The following ABCB10 variants were observed in gnomAD, a reference collection of about 807,000 sequenced individuals.
ABCB10 encodes the protein ATP binding cassette subfamily B member 10, also known as ATP-binding cassette sub-family B member 10, mitochondrial.
In ABCB10, 54 loss-of-function variants were observed where a neutral mutation model predicts 65.4. The observed-to-expected ratio is 0.83, with a 90% CI of 0.66 to 1.04. The LOEUF (loss-of-function observed/expected upper bound fraction) is 1.04. Ranked by LOEUF, ABCB10 falls within the 50% of genes least tolerant of loss-of-function variation. The pLI is 0.00. For missense variants in ABCB10, 846 were observed against 976.6 expected (o/e 0.87, Z 1.78); for synonymous variants, 418 against 406.5 (o/e 1.03, Z -0.34).
intron 3 of ABCB10, among the ~76,000 whole-genome samples, chr1:229,544,877 A>G (rs1662933154): frequency 6.6e-6 from 1 of 152,214 alleles, no homozygotes; most frequent in Admixed American, 6.5e-5. Flanking sequence ...AGCCAAGAGA[A>G]AAGGCCTCAG....
Position 229,558,142 on chromosome 1 carries a change from G to A in ABCB10, c.511C>T (p.Leu171=). ...LGLAYPERRR[L]AAAVGFLTMS... The stretch of plus-strand genomic sequence containing the variant: ...TGGCCGGGGAGGACCCTACCTGCCA[G>A]CCTCCGGCGCTCAGGGTACGCCAGC... Residue 171 remains leucine (L), a synonymous_variant, in exon 1 of 13, where the codon CTG becomes TTG. Transcript: ENST00000344517. 7.1e-7 allele frequency: 1 copy of A among 1,409,934 alleles called. No individual in the cohort carries two copies. The highest frequency in any genetic ancestry group is 2.6e-4 in the Middle Eastern group (1 of 3,866). 87.3% of individuals were successfully genotyped at this position (1,409,934 alleles called of 1,614,324 possible).
In ABCB10 at chr1:229,522,239, GCT is replaced by G. The variant is rs530457057; in HGVS notation, c.1907-606_1907-605del. ...TTTAAATAATTTCAAACAAGGTCTTGCTCTGTCACCCAGCTGGAGTGCAATGG... is the reference window on the plus strand; with the variant it reads ...TTTAAATAATTTCAAACAAGGTCTTGCTGTCACCCAGCTGGAGTGCAATGG... On this transcript the variant is annotated intron_variant, in intron 10 of 12. Coordinates refer to ENST00000344517, the MANE Select transcript of ABCB10 (RefSeq NM_012089.3). Among the ~76,000 whole-genome samples, 31 of 148,406 alleles carry G rather than the reference GCT, an allele frequency of 2.1e-4. No homozygotes were observed. The South Asian group carries it at 6.3e-3, about 30-fold the overall frequency.
chr1:229,531,897 C>T, intron 6 of ABCB10, 166 bp from the exon 7 acceptor site: 1 of 431,556 alleles, frequency 2.3e-6, no homozygotes, highest in Middle Eastern at 3.8e-4. Flanking sequence ...CTCAGAATTG[C>T]TTGTCTCATA....
rs1323961800 is a variant in ABCB10 at position 229,549,369 on chromosome 1, T to G, written c.583A>C (p.Ile195Leu). ...SMSAPFFLGKIIDVIYTNPTV... is the reference protein window; with the variant it reads ...SMSAPFFLGKLIDVIYTNPTV... ...GGGTTGGTATAGATGACATCAATGATCTTCCCCAGGAAGAAAGGGGCAGAC... is the reference window on the plus strand; with the variant it reads ...GGGTTGGTATAGATGACATCAATGAGCTTCCCCAGGAAGAAAGGGGCAGAC... Residue 195 changes from isoleucine to leucine, a missense_variant, in exon 2 of 13, where the codon ATC (isoleucine) becomes CTC (leucine). Coordinates refer to ENST00000344517, the MANE Select transcript of ABCB10 (RefSeq NM_012089.3). 6.2e-7 allele frequency: 1 copy of G among 1,614,124 alleles called. No homozygotes were observed. Among genetic ancestry groups the G allele is most frequent in the Admixed American group, 1.7e-5 (1 of 60,002 alleles).
intron 8 of ABCB10, among the ~76,000 whole-genome samples, chr1:229,529,225 G>C (rs1178140802): frequency 9.7e-5 from 13 of 133,934 alleles, no homozygotes; most frequent in Non-Finnish European, 1.9e-4. Context: ...CCCGGGAGGC[G>C]GAGCTTGCAG....
At position 229,528,754 on chromosome 1, in the gene ABCB10, G is replaced by A. The variant is rs141671142; in HGVS notation, c.1645+1445C>T. On this transcript the variant is annotated intron_variant, in intron 8 of 12. Coordinates refer to ENST00000344517, the MANE Select transcript of ABCB10 (RefSeq NM_012089.3). ...TGTTACCCGGGCTGGTCTCCAACTTGTGGCCTCAAGTGATCCTCCCACCTC... is the reference window on the plus strand; with the variant it reads ...TGTTACCCGGGCTGGTCTCCAACTTATGGCCTCAAGTGATCCTCCCACCTC... 1.8e-3 allele frequency among the ~76,000 whole-genome samples: 271 copies of A among 150,992 alleles called. 1 individual carries two copies. Among genetic ancestry groups the A allele is most frequent in the African/African-American group, 5.9e-3 (244 of 41,130 alleles).
At chr1:229,519,963 C>CA (rs1028113048) in intron 11 of ABCB10, among the ~76,000 whole-genome samples, 5 of 150,454 alleles carry the variant, frequency 3.3e-5, no homozygotes, top group Admixed American at 6.6e-5. Context: ...CCATCTCTAC[C>CA]AAAAAAATTT....
At chr1:229,550,728 T>G (rs12069430) in intron 1 of ABCB10, among the ~76,000 whole-genome samples, 3,123 of 149,376 alleles carry the variant, frequency 0.021, 104 homozygotes, top group African/African-American at 0.073. Flanking sequence ...GCCAGGTGTG[T>G]TGGTGCGCAC....
At chr1:229,538,231 T>G (rs113541170) in intron 6 of ABCB10, among the ~76,000 whole-genome samples, 1 of 152,070 alleles carries the variant, frequency 6.6e-6, no homozygotes, top group African/African-American at 2.4e-5. Context: ...GAGAGGGCAA[T>G]AGAACAACCA....
At position 229,541,881 on chromosome 1, in the gene ABCB10, C is replaced by A. The variant is rs540124563; in HGVS notation, c.1056+356G>T. Reference sequence around the variant, plus strand: ...TCGAGCCTGGGAGGTTAAAGCTTCACTAAGCTGTGATTGTACCACTGCGCT... The same window carrying A: ...TCGAGCCTGGGAGGTTAAAGCTTCAATAAGCTGTGATTGTACCACTGCGCT... On this transcript the variant is annotated intron_variant, in intron 4 of 12. Coordinates refer to ENST00000344517, the MANE Select transcript of ABCB10 (RefSeq NM_012089.3). Among the ~76,000 whole-genome samples the A allele has an allele frequency of 1.5e-4, 23 of 150,012 alleles. No homozygotes were observed. In the South Asian group the frequency reaches 4.6e-3, roughly 30 times the overall value.
chr1:229,539,462 T>C lies in ABCB10; in HGVS notation c.1333A>G (p.Ile445Val), dbSNP rs1178342089. 5.6e-6 allele frequency: 9 copies of C among 1,614,010 alleles called. No homozygotes were observed. The South Asian group carries it at 6.6e-5, about 12-fold the overall frequency. The change falls in exon 6 of 13, where the codon ATT becomes GTT. Residue 445 changes from isoleucine (I) to valine (V), a missense_variant. Physicochemically the swap from Ile to Val is conservative, Grantham distance 29. Coordinates refer to ENST00000344517, the MANE Select transcript of ABCB10 (RefSeq NM_012089.3). ...LMYAFWVGIS[I>V]GGLSSFYSEL... ...GCCTATTTAAATTATTTACCTCCAA[T>C]GCTTATTCCAACCCAGAAAGCATAC...
intron 6 of ABCB10, among the ~76,000 whole-genome samples, chr1:229,536,010 G>A (rs985280877): frequency 6.6e-6 from 1 of 152,128 alleles, no homozygotes; most frequent in Non-Finnish European, 1.5e-5. Flanking sequence ...ACAGGAGTGA[G>A]CCACTGCGCC....
chr1:229,519,963 C>CAA (rs1028113048), intron 11 of ABCB10, among the ~76,000 whole-genome samples: 2 of 150,342 alleles, frequency 1.3e-5, no homozygotes, highest in African/African-American at 4.9e-5. Context: ...CCATCTCTAC[C>CAA]AAAAAAATTT....
At chr1:229,547,361 C>G (rs893458350) in intron 3 of ABCB10, 138 bp downstream of exon 3, 1 of 905,712 alleles carries the variant, frequency 1.1e-6, no homozygotes, top group African/African-American at 1.7e-5. Context: ...GTTCCAGCAG[C>G]TTCTGCAACA....
At position 229,542,292 on chromosome 1, in the gene ABCB10, C is replaced by T. The variant is rs138468815; in HGVS notation, c.1001G>A (p.Arg334Gln). The T allele has an allele frequency of 7.4e-6, 12 of 1,613,858 alleles. No homozygotes were observed. Among genetic ancestry groups the T allele is most frequent in the African/African-American group, 1.3e-5 (1 of 74,864 alleles). Residue 334 changes from arginine to glutamine, a missense_variant, in exon 4 of 13, where the codon CGA becomes CAA. This residue lies in a region of ABCB10 where 632 missense variants were observed against 803.2 expected (regional missense o/e 0.79). Transcript: ENST00000344517. ...PVSIIAVIYG[R>Q]YLRKLTKVTQ... is the part of the protein sequence containing the mutation. ...GACTTTGGTCAGTTTCCGTAGATATCGCCCATAAATTACAGCAATGATTGA... is the reference window on the plus strand; with the variant it reads ...GACTTTGGTCAGTTTCCGTAGATATTGCCCATAAATTACAGCAATGATTGA...
intron 8 of ABCB10, among the ~76,000 whole-genome samples, chr1:229,529,287 C>A: frequency 1.2e-5 from 1 of 81,350 alleles, no homozygotes; most frequent in African/African-American, 5.4e-5. Flanking sequence ...CAGAGCAAGA[C>A]TCCGTCTCAA....
In ABCB10 at chr1:229,525,944, A is replaced by T. The variant is rs1285840970; in HGVS notation, c.1898T>A (p.Leu633His). The T allele has an allele frequency of 4.3e-6, 7 of 1,612,914 alleles. No individual in the cohort carries two copies. Among genetic ancestry groups the T allele is most frequent in the Non-Finnish European group, 4.2e-6 (5 of 1,179,426 alleles). Residue 633 changes from leucine (L) to histidine (H), a missense_variant, in exon 10 of 13, where the codon CTC (leucine) becomes CAC (histidine). Around this residue, in one of 2 missense-constraint regions of ABCB10, gnomAD observed 632 missense variants for 803.2 expected, o/e 0.79. Coordinates refer to ENST00000344517, the MANE Select transcript of ABCB10 (RefSeq NM_012089.3). ...GCAGTAAAGAAATGCACCTGAGAGG[A>T]GAACACCCTTTTCTCCAACCACAGT... ...FNTVVGEKGV[L>H]LSGGQKQRIA...
Position 229,541,959 on chromosome 1 carries a change from A to T in ABCB10, c.1056+278T>A, listed in dbSNP as rs546948530. Among the ~76,000 whole-genome samples the T allele has an allele frequency of 4.0e-5, 6 of 151,378 alleles. No individual in the cohort carries two copies. The South Asian group carries it at 1.2e-3, about 31-fold the overall frequency. ...TCTCATGTACCTTGTCTCAAAAAAA[A>T]AAAACAAAAAAAAAAAGAAAGAAAA... On this transcript the variant is annotated intron_variant, in intron 4 of 12. Coordinates refer to ENST00000344517, the MANE Select transcript of ABCB10 (RefSeq NM_012089.3).
Position 229,547,645 on chromosome 1 carries a change from C to T in ABCB10, c.775G>A (p.Glu259Lys). 2 of 1,614,238 alleles carry T rather than the reference C, an allele frequency of 1.2e-6. No individual in the cohort carries two copies. Among genetic ancestry groups the T allele is most frequent in the Non-Finnish European group, 1.7e-6 (2 of 1,180,050 alleles). ...CGAGTCTTGTCAAAGAAAGCAACCT[C>T]CTGCCTCAGAATGGAGGAGAATAAT... ...TSLFSSILRQ[E>K]VAFFDKTRTG... The change falls in exon 3 of 13, where the codon GAG (glutamate) becomes AAG (lysine). Residue 259 changes from glutamate (E) to lysine (K), a missense_variant. Around this residue, in one of 2 missense-constraint regions of ABCB10, gnomAD observed 632 missense variants for 803.2 expected, o/e 0.79. Transcript: ENST00000344517.
Sources: gnomAD v4.1 joint callset for allele counts (sites outside exome capture counted in the v4.1 genomes callset) on GRCh38, gnomAD v4.1.1 for gene constraint, gnomAD v4.1.1 regional missense constraint, MANE v1.5 for transcripts, NCBI Gene and HGNC (gene_info 2026-07-23, HGNC 2026-07-21) for gene names.